CNTNAP2: variants seen among roughly 807,000 people sequenced by gnomAD.
CNTNAP2 encodes the protein contactin-associated protein-like 2.
A neutral mutation model predicts 155.2 loss-of-function variants in CNTNAP2; 98 were observed. The observed-to-expected ratio is 0.63, with a 90% CI of 0.54 to 0.75. The LOEUF is 0.75. Ranked by LOEUF, CNTNAP2 falls within the 30% of genes least tolerant of loss-of-function variation. The pLI, the probability that CNTNAP2 is intolerant of heterozygous loss-of-function variation, is 0.00. For synonymous variants in CNTNAP2, 651 were observed against 631.2 expected (o/e 1.03, Z -0.47); for missense variants, 1,727 against 1,688.1 (o/e 1.02, Z -0.40).
intron 15 of CNTNAP2, among the ~76,000 whole-genome samples, chr7:148,058,778 T>G (rs562024720): frequency 2.0e-5 from 3 of 152,306 alleles, no homozygotes; most frequent in African/African-American, 7.2e-5. Context: ...CATAGAATAG[T>G]TTTTTGTTTG....
chr7:147,427,657 G>T (rs1417055139), intron 10 of CNTNAP2, among the ~76,000 whole-genome samples: 1 of 152,090 alleles, frequency 6.6e-6, no homozygotes, highest in African/African-American at 2.4e-5. Context: ...TGAGAGAATT[G>T]AACGGCAGCC....
At chr7:146,757,488 T>G (rs1802013392) in intron 1 of CNTNAP2, among the ~76,000 whole-genome samples, 1 of 152,136 alleles carries the variant, frequency 6.6e-6, no homozygotes, top group Non-Finnish European at 1.5e-5. Context: ...ACTTTTAAAA[T>G]TCTGTTCTCT....
At chr7:147,114,164 C>T (rs1163450124) in intron 5 of CNTNAP2, among the ~76,000 whole-genome samples, 1 of 152,116 alleles carries the variant, frequency 6.6e-6, no homozygotes, top group Non-Finnish European at 1.5e-5. Context: ...TTTGATTGTG[C>T]TGTGGTCTGA....
intron 8 of CNTNAP2, among the ~76,000 whole-genome samples, chr7:147,269,099 A>G (rs1021443365): frequency 6.6e-6 from 1 of 152,146 alleles, no homozygotes; most frequent in African/African-American, 2.4e-5. Flanking sequence ...TCCTTAGACG[A>G]GAACTCCTAG....
chr7:146,730,609 G>GC (rs1296664645), intron 1 of CNTNAP2, among the ~76,000 whole-genome samples: 1 of 151,974 alleles, frequency 6.6e-6, no homozygotes, highest in Non-Finnish European at 1.5e-5. Context: ...ATGTAAATAT[G>GC]CCCCATCCTT....
At chr7:146,650,492 A>G (rs1275163417) in intron 1 of CNTNAP2, among the ~76,000 whole-genome samples, 1 of 152,018 alleles carries the variant, frequency 6.6e-6, no homozygotes, top group Non-Finnish European at 1.5e-5. Context: ...GAGTTGAACA[A>G]TGAGAACACA....
At chr7:147,937,224 A>G (rs1331978212) in intron 14 of CNTNAP2, among the ~76,000 whole-genome samples, 2 of 152,194 alleles carry the variant, frequency 1.3e-5, no homozygotes, top group African/African-American at 4.8e-5. Flanking sequence ...GAATCTTGTG[A>G]TCAGCTACTT....
In CNTNAP2 at chr7:147,814,434, T is replaced by C. The variant is rs550326095; in HGVS notation, c.2099-89131T>C. ...TGTAGCTGCATTTGGCATTATTCCT[T>C]CAACATTCTTCTTTATTTTTTCCAC... On this transcript the variant is annotated intron_variant, in intron 13 of 23. Transcript: ENST00000361727. Among the ~76,000 whole-genome samples, 4 of 152,308 alleles carry C rather than the reference T, an allele frequency of 2.6e-5. No individual in the cohort carries two copies. In the South Asian group the frequency reaches 8.3e-4, roughly 32 times the overall value.
chr7:147,077,253 T>G (rs1212701840), intron 4 of CNTNAP2, among the ~76,000 whole-genome samples: 1 of 152,184 alleles, frequency 6.6e-6, no homozygotes, highest in African/African-American at 2.4e-5. Context: ...CTTTTTTTCC[T>G]TATAAAAGTA....
At chr7:146,399,946 T>C (rs1183986208) in intron 1 of CNTNAP2, among the ~76,000 whole-genome samples, 1 of 152,172 alleles carries the variant, frequency 6.6e-6, no homozygotes, top group African/African-American at 2.4e-5. Context: ...ATTCTGTTAG[T>C]ATAATAATTA....
At chr7:146,618,092 T>C (rs1799256602) in intron 1 of CNTNAP2, among the ~76,000 whole-genome samples, 1 of 152,172 alleles carries the variant, frequency 6.6e-6, no homozygotes, top group Non-Finnish European at 1.5e-5. Context: ...TTGTTAGATA[T>C]TCATCATTCC....
At chr7:146,913,550 G>T (rs1248379183) in intron 3 of CNTNAP2, among the ~76,000 whole-genome samples, 1 of 152,054 alleles carries the variant, frequency 6.6e-6, no homozygotes, top group Non-Finnish European at 1.5e-5. Flanking sequence ...GTTTTTGGTG[G>T]TGGCCCTCTT....
intron 9 of CNTNAP2, among the ~76,000 whole-genome samples, chr7:147,314,471 A>G (rs867719259): frequency 2.1e-5 from 3 of 143,908 alleles, no homozygotes; most frequent in African/African-American, 4.9e-5. Flanking sequence ...AACTTAATCT[A>G]TAATAACCAG....
At chr7:148,360,555 CACTTTTAAAA>C (rs1209276047) in intron 21 of CNTNAP2, among the ~76,000 whole-genome samples, 1 of 151,608 alleles carries the variant, frequency 6.6e-6, no homozygotes, top group Non-Finnish European at 1.5e-5. Context: ...CAAAAGTAAA[CACTTTTAAAA>C]ACTTAAAAGT....
intron 8 of CNTNAP2, among the ~76,000 whole-genome samples, chr7:147,155,452 G>A (rs1801905451): frequency 1.3e-5 from 2 of 152,094 alleles, no homozygotes; most frequent in Middle Eastern, 3.2e-3. Flanking sequence ...GGAAGAGTTT[G>A]AACTATTAGA....
At chr7:146,439,704 TGTC>T (rs1796293600) in intron 1 of CNTNAP2, among the ~76,000 whole-genome samples, 1 of 151,552 alleles carries the variant, frequency 6.6e-6, no homozygotes, top group Non-Finnish European at 1.5e-5. Flanking sequence ...GAATGACTCT[TGTC>T]GTAGTCACAA....
intron 3 of CNTNAP2, among the ~76,000 whole-genome samples, chr7:146,919,648 G>T (rs1330209941): frequency 1.3e-5 from 2 of 152,152 alleles, no homozygotes; most frequent in Non-Finnish European, 2.9e-5. Flanking sequence ...ACATGCTCTG[G>T]TTTTGCTTTT....
intron 1 of CNTNAP2, among the ~76,000 whole-genome samples, chr7:146,313,223 G>C (rs977137528): frequency 6.6e-6 from 1 of 152,082 alleles, no homozygotes; most frequent in African/African-American, 2.4e-5. Flanking sequence ...ATACTTGTTG[G>C]CATCAGTCGT....
chr7:148,249,728 T>C (rs1796333544), intron 20 of CNTNAP2, among the ~76,000 whole-genome samples: 1 of 152,164 alleles, frequency 6.6e-6, no homozygotes, highest in South Asian at 2.1e-4. Context: ...ATTAAAACCT[T>C]GGAATATCAC....
Sources: allele counts gnomAD v4.1 joint callset (sites outside exome capture counted in the v4.1 genomes callset), GRCh38; gene constraint gnomAD v4.1.1; transcripts MANE v1.5; gene names NCBI Gene and HGNC (gene_info 2026-07-23, HGNC 2026-07-21).